The following HMGN5 variants were observed in gnomAD, a reference collection of about 807,000 sequenced individuals.
HMGN5 encodes high mobility group nucleosome binding domain 5.
Under a neutral mutation model 9.5 loss-of-function variants are expected in HMGN5, and 4 were observed. That is an observed-to-expected ratio of 0.42 (90% CI 0.21 to 0.96). The LOEUF (loss-of-function observed/expected upper bound fraction) is 0.96. Ranked by LOEUF, HMGN5 falls within the 40% of genes least tolerant of loss-of-function variation. The pLI is 0.30. For synonymous variants in HMGN5, 55 were observed against 57.1 expected (o/e 0.96, Z 0.16); for missense variants, 192 against 187.5 (o/e 1.02, Z -0.14).
rs2075500580 is a variant in HMGN5 at position 81,193,863 on chromosome X, TAGTC to T, written c.-124+7870_-124+7873del. On this transcript the variant is annotated intron_variant, in intron 1 of 6. Transcript: ENST00000358130. ...AAAAGGAAATATAAAGGGCAATGAA[TAGTC>T]AGGACACTTCATGAAGAAGACCAAA... Among the ~76,000 whole-genome samples the T allele has an allele frequency of 4.5e-5, 5 of 111,935 alleles. No individual in the cohort carries two copies. In the South Asian group the frequency reaches 1.8e-3, roughly 41 times the overall value.
intron 1 of HMGN5, among the ~76,000 whole-genome samples, chrX:81,174,685 C>T (rs1040208146): frequency 9.0e-6 from 1 of 111,021 alleles, no homozygotes; most frequent in Non-Finnish European, 1.9e-5. Flanking sequence ...GATAATAATA[C>T]CTATTTCATA....
At position 81,187,422 on chromosome X, in the gene HMGN5, C is replaced by T. The variant is rs2075480638; in HGVS notation, c.-124+14315G>A. 2.7e-5 allele frequency among the ~76,000 whole-genome samples: 3 copies of T among 111,864 alleles called. No homozygotes were observed. The South Asian group carries it at 1.1e-3, about 42-fold the overall frequency. On this transcript the variant is annotated intron_variant, in intron 1 of 6. Transcript: ENST00000358130. ...CATTAAAAATTGTCATATTTTCTGA[C>T]TGTATTGACACTTTCATCATTATAG... is the stretch of plus-strand genomic sequence containing the variant.
At chrX:81,184,375 CTG>C (rs1156891040) in intron 1 of HMGN5, among the ~76,000 whole-genome samples, 1 of 111,678 alleles carries the variant, frequency 9.0e-6, no homozygotes, top group African/African-American at 3.3e-5. Context: ...TTCCCAGAAA[CTG>C]AGCAGATGCC....
At chrX:81,131,415 T>G (rs1370942251) in intron 1 of HMGN5, among the ~76,000 whole-genome samples, 1 of 111,272 alleles carries the variant, frequency 9.0e-6, no homozygotes, top group Non-Finnish European at 1.9e-5. Context: ...TATAGTCAGG[T>G]GAACCCCTGC....
chrX:81,141,486 G>GAGAGAA (rs1474738985), intron 1 of HMGN5, among the ~76,000 whole-genome samples: 1 of 109,697 alleles, frequency 9.1e-6, no homozygotes, highest in African/African-American at 3.3e-5. Context: ...GAGAGAGAGA[G>GAGAGAA]AGAGAAAGAG....
chrX:81,138,388 A>C (rs1335277687), intron 1 of HMGN5, among the ~76,000 whole-genome samples: 1 of 111,834 alleles, frequency 8.9e-6, no homozygotes, highest in Non-Finnish European at 1.9e-5. Context: ...AGGTGAAAGA[A>C]GAAAAATCGT....
chrX:81,198,597 C>T, intron 1 of HMGN5, among the ~76,000 whole-genome samples: 1 of 111,784 alleles, frequency 8.9e-6, no homozygotes, highest in African/African-American at 3.3e-5. Flanking sequence ...TAATGTAATC[C>T]ATCACATAAA....
chrX:81,164,020 C>G (rs1172606409), intron 1 of HMGN5, among the ~76,000 whole-genome samples: 1 of 111,209 alleles, frequency 9.0e-6, no homozygotes, highest in African/African-American at 3.3e-5. Flanking sequence ...AAAAGTGGCC[C>G]CTGGGTTGGA....
intron 1 of HMGN5, among the ~76,000 whole-genome samples, chrX:81,153,347 G>T (rs900588102): frequency 1.9e-5 from 2 of 103,902 alleles, no homozygotes; most frequent in Non-Finnish European, 3.9e-5. Context: ...AAAGCCAGAA[G>T]TTCAAGACCA....
chrX:81,199,819 C>G (rs774456781), intron 1 of HMGN5, among the ~76,000 whole-genome samples: 48 of 111,763 alleles, frequency 4.3e-4, no homozygotes, highest in African/African-American at 1.5e-3. Context: ...TAGGCATGGG[C>G]AAAGATTCAT....
chrX:81,160,508 C>G (rs1235431151), intron 1 of HMGN5, among the ~76,000 whole-genome samples: 1 of 110,711 alleles, frequency 9.0e-6, no homozygotes, highest in African/African-American at 3.3e-5. Context: ...TTTCCTAATG[C>G]TCTCCTTCCC....
At chrX:81,143,630 G>A (rs2075335340) in intron 1 of HMGN5, among the ~76,000 whole-genome samples, 1 of 112,253 alleles carries the variant, frequency 8.9e-6, no homozygotes, top group Non-Finnish European at 1.9e-5. Flanking sequence ...GAACAACAGT[G>A]CACTCCGGCC....
chrX:81,171,555 G>A (rs1465593682), intron 1 of HMGN5, among the ~76,000 whole-genome samples: 3 of 111,219 alleles, frequency 2.7e-5, no homozygotes, highest in Admixed American at 9.6e-5. Context: ...TTATGAATAA[G>A]AGCCAAAAAG....
intron 1 of HMGN5, among the ~76,000 whole-genome samples, chrX:81,160,848 T>G (rs1477734985): frequency 8.9e-6 from 1 of 111,881 alleles, no homozygotes; most frequent in Non-Finnish European, 1.9e-5. Flanking sequence ...AGTGGACATC[T>G]TCAACCAATC....
chrX:81,149,586 GT>G (rs2075355202), intron 1 of HMGN5, among the ~76,000 whole-genome samples: 1 of 111,725 alleles, frequency 9.0e-6, no homozygotes, highest in Non-Finnish European at 1.9e-5. Context: ...TAATCTACAT[GT>G]TTTGCACATA....
chrX:81,153,395 A>G (rs779000479), intron 1 of HMGN5, among the ~76,000 whole-genome samples: 1 of 101,347 alleles, frequency 9.9e-6, no homozygotes, highest in African/African-American at 3.6e-5. Context: ...CTCGAATAAA[A>G]ATACAAAAAT....
At chrX:81,149,705 G>T (rs1006017667) in intron 1 of HMGN5, among the ~76,000 whole-genome samples, 1 of 111,700 alleles carries the variant, frequency 9.0e-6, no homozygotes, top group African/African-American at 3.3e-5. Context: ...AACATAAAGG[G>T]ATGGAAATAT....
intron 1 of HMGN5, among the ~76,000 whole-genome samples, chrX:81,192,294 C>G (rs1188791668): frequency 1.8e-5 from 2 of 111,682 alleles, no homozygotes; most frequent in African/African-American, 6.5e-5. Context: ...GAACACTAAG[C>G]TGCCCTTGAA....
chrX:81,178,386 C>T (rs779389986), intron 1 of HMGN5, among the ~76,000 whole-genome samples: 4 of 111,221 alleles, frequency 3.6e-5, no homozygotes, highest in South Asian at 3.8e-4. Context: ...ATATCACCAC[C>T]GATCCCACAG....
Sources: allele counts gnomAD v4.1 joint callset (sites outside exome capture counted in the v4.1 genomes callset), GRCh38; gene constraint gnomAD v4.1.1; transcripts MANE v1.5; gene names NCBI Gene and HGNC (gene_info 2026-07-23, HGNC 2026-07-21).